GPM6A: variants seen among roughly 807,000 people sequenced by gnomAD.
GPM6A encodes the protein neuronal membrane glycoprotein M6-a.
In GPM6A, 7 loss-of-function variants were observed where a neutral mutation model predicts 32.1. That is an observed-to-expected ratio of 0.22 (90% CI 0.12 to 0.41). GPM6A has a LOEUF of 0.41. Ranked by LOEUF, GPM6A falls within the 10% of genes least tolerant of loss-of-function variation. GPM6A has a pLI of 1.00. For missense variants in GPM6A, 235 were observed against 347.2 expected, an observed-to-expected ratio of 0.68 and a Z score of 2.57; for synonymous variants, 130 against 123.4, an observed-to-expected ratio of 1.05 and a Z score of -0.35.
chr4:175,784,703 T>A (rs1733732724), intron 1 of GPM6A, among the ~76,000 whole-genome samples: 1 of 152,084 alleles, frequency 6.6e-6, no homozygotes, highest in Non-Finnish European at 1.5e-5. Context: ...TCATGACCTC[T>A]AAATATGCTA....
At chr4:175,766,192 T>A (rs1160364919) in intron 1 of GPM6A, among the ~76,000 whole-genome samples, 1 of 152,190 alleles carries the variant, frequency 6.6e-6, no homozygotes, top group African/African-American at 2.4e-5. Context: ...TAAGTCAATG[T>A]TATTCTTTGA....
chr4:175,662,660 TTATTAGGTAAA>T (rs1560859462), intron 3 of GPM6A, among the ~76,000 whole-genome samples: 2 of 151,940 alleles, frequency 1.3e-5, no homozygotes, highest in Admixed American at 1.3e-4. Context: ...AATATTTAGG[TTATTAGGTAAA>T]TATTAGGTAA....
Position 175,635,045 on chromosome 4 carries a change from T to C in GPM6A, c.697A>G (p.Met233Val). The C allele has an allele frequency of 6.2e-7, 1 of 1,613,514 alleles. No individual in the cohort carries two copies. The highest frequency in any genetic ancestry group is 8.5e-7 in the Non-Finnish European group (1 of 1,179,548). ...TAGGCCCAGTTGGCAGACAGAACCATAAGGTAGTGAACCTAATCAAAGAGA... is the reference window on the plus strand; with the variant it reads ...TAGGCCCAGTTGGCAGACAGAACCACAAGGTAGTGAACCTAATCAAAGAGA... ...AAVIAMVHYL[M>V]VLSANWAYVK... Residue 233 changes from methionine to valine, a missense_variant, in exon 7 of 7, where the codon ATG (methionine) becomes GTG (valine). By Grantham distance (21) the Met-to-Val change is conservative. Transcript: ENST00000393658.
chr4:175,775,307 A>T (rs1389325044), intron 1 of GPM6A, among the ~76,000 whole-genome samples: 1 of 152,144 alleles, frequency 6.6e-6, no homozygotes, highest in Non-Finnish European at 1.5e-5. Flanking sequence ...TGAAGATCCC[A>T]GATATTTTGT....
At chr4:175,893,584 T>A (rs1231898101) in intron 1 of GPM6A, among the ~76,000 whole-genome samples, 1 of 152,138 alleles carries the variant, frequency 6.6e-6, no homozygotes, top group African/African-American at 2.4e-5. Context: ...AGCACCTTCA[T>A]GGGGTCCTCC....
intron 1 of GPM6A, among the ~76,000 whole-genome samples, chr4:175,954,672 C>T (rs950150689): frequency 6.6e-6 from 1 of 152,202 alleles, no homozygotes; most frequent in African/African-American, 2.4e-5. Context: ...TTCTGTTTTC[C>T]TTTCAGTGAG....
intron 1 of GPM6A, among the ~76,000 whole-genome samples, chr4:175,879,585 T>TC (rs1426404923): frequency 6.6e-6 from 1 of 151,952 alleles, no homozygotes; most frequent in Non-Finnish European, 1.5e-5. Flanking sequence ...GCGGAAACTG[T>TC]CCCCATAATT....
chr4:175,883,612 G>C (rs1008882839), intron 1 of GPM6A, among the ~76,000 whole-genome samples: 6 of 152,084 alleles, frequency 3.9e-5, no homozygotes, highest in African/African-American at 1.4e-4. Flanking sequence ...TTACTTGAAA[G>C]TTTCCTAATA....
At chr4:175,761,740 T>C (rs1487611058) in intron 1 of GPM6A, among the ~76,000 whole-genome samples, 1 of 151,988 alleles carries the variant, frequency 6.6e-6, no homozygotes, top group Non-Finnish European at 1.5e-5. Context: ...AATTGACCAT[T>C]TCTAGTCTAG....
chr4:175,856,230 T>C (rs1736410263), intron 1 of GPM6A, among the ~76,000 whole-genome samples: 1 of 152,222 alleles, frequency 6.6e-6, no homozygotes, highest in Admixed American at 6.5e-5. Flanking sequence ...AAAAACAAAG[T>C]ATTACTTCAT....
chr4:175,841,861 T>G (rs1735946538), intron 1 of GPM6A, among the ~76,000 whole-genome samples: 1 of 152,174 alleles, frequency 6.6e-6, no homozygotes, highest in Non-Finnish European at 1.5e-5. Context: ...AGATATGATC[T>G]GACATTGCTT....
intron 1 of GPM6A, among the ~76,000 whole-genome samples, chr4:175,944,082 T>C (rs561802873): frequency 6.6e-6 from 1 of 152,328 alleles, no homozygotes; most frequent in South Asian, 2.1e-4. Flanking sequence ...TATTCATGGA[T>C]TTGACTTCTT....
chr4:175,933,359 G>T (rs1739113949), intron 1 of GPM6A, among the ~76,000 whole-genome samples: 1 of 152,128 alleles, frequency 6.6e-6, no homozygotes, highest in Non-Finnish European at 1.5e-5. Flanking sequence ...TGTAAGTGAA[G>T]ATATTAGAGT....
intron 1 of GPM6A, among the ~76,000 whole-genome samples, chr4:175,991,741 A>G (rs1052825338): frequency 6.6e-6 from 1 of 152,154 alleles, no homozygotes; most frequent in Admixed American, 6.5e-5. Flanking sequence ...ATAAGCAAAC[A>G]CTGAGTTATA....
At chr4:175,909,436 C>T (rs539127414) in intron 1 of GPM6A, among the ~76,000 whole-genome samples, 1 of 152,188 alleles carries the variant, frequency 6.6e-6, no homozygotes, top group South Asian at 2.1e-4. Flanking sequence ...GTTTACCATA[C>T]TTATTCATGA....
upstream of GPM6A, among the ~76,000 whole-genome samples, chr4:175,816,712 G>A (rs921922270): frequency 6.6e-6 from 1 of 152,110 alleles, no homozygotes; most frequent in Non-Finnish European, 1.5e-5. Context: ...TACGTCAAAT[G>A]TTTCAGACAC....
At chr4:175,817,900 A>G (rs1735158154) in intron 1 of GPM6A, among the ~76,000 whole-genome samples, 1 of 152,224 alleles carries the variant, frequency 6.6e-6, no homozygotes, top group African/African-American at 2.4e-5. Flanking sequence ...GAAGAAGAAG[A>G]CGCTCCTAAG....
At chr4:175,819,466 A>G (rs1735209660) in intron 1 of GPM6A, among the ~76,000 whole-genome samples, 1 of 152,228 alleles carries the variant, frequency 6.6e-6, no homozygotes, top group African/African-American at 2.4e-5. Flanking sequence ...AGGTGCAATT[A>G]TATTAATATT....
intron 1 of GPM6A, among the ~76,000 whole-genome samples, chr4:175,826,938 GTTT>G (rs780520657): frequency 5.9e-5 from 9 of 152,232 alleles, no homozygotes; most frequent in Admixed American, 1.3e-4. Flanking sequence ...AGGCGAAGAT[GTTT>G]TTTATCTACT....
Sources: gnomAD v4.1 joint callset for allele counts (sites outside exome capture counted in the v4.1 genomes callset) on GRCh38, gnomAD v4.1.1 for gene constraint, MANE v1.5 for transcripts, NCBI Gene and HGNC (gene_info 2026-07-23, HGNC 2026-07-21) for gene names.